TTC39B: variants seen among roughly 807,000 people sequenced by gnomAD.
The protein encoded by TTC39B is tetratricopeptide repeat domain 39B, also known as tetratricopeptide repeat protein 39B.
In TTC39B, 92 loss-of-function variants were observed where a neutral mutation model predicts 96.6. The ratio of observed to expected loss-of-function variants is 0.95; its 90% CI spans 0.80 to 1.13. The LOEUF is 1.13. Among genes scored for constraint, TTC39B ranks in the 50% most tolerant of loss-of-function variants. TTC39B has a pLI of 0.00. For synonymous variants in TTC39B, 367 were observed against 299.4 expected (o/e 1.23, Z -2.33); for missense variants, 955 against 809.3 (o/e 1.18, Z -2.18).
chr9:15,301,078 T>C (rs574469997), intron 1 of TTC39B, among the ~76,000 whole-genome samples: 96 of 151,920 alleles, frequency 6.3e-4, no homozygotes, highest in Admixed American at 2.4e-3. Context: ...CATCTCAACT[T>C]CCCCCAAGGC....
chr9:15,210,230 A>G, intron 5 of TTC39B, 66 bp from the exon 6 acceptor site: 1 of 1,113,538 alleles, frequency 9.0e-7, no homozygotes, highest in Non-Finnish European at 1.3e-6. Context: ...GCTCATTTTC[A>G]TTTGACGTTC....
intron 6 of TTC39B, among the ~76,000 whole-genome samples, chr9:15,208,621 G>A (rs977027527): frequency 2.6e-5 from 4 of 152,110 alleles, no homozygotes; most frequent in South Asian, 2.1e-4. Context: ...CATTCTATCC[G>A]AAGTCAAGAG....
At chr9:15,304,664 C>T (rs1824702102) in intron 1 of TTC39B, among the ~76,000 whole-genome samples, 1 of 151,958 alleles carries the variant, frequency 6.6e-6, no homozygotes, top group Non-Finnish European at 1.5e-5. Flanking sequence ...CCCCCCGACC[C>T]CTCTCCCCCA....
chr9:15,272,667 A>G (rs566612310), intron 1 of TTC39B, among the ~76,000 whole-genome samples: 1 of 152,322 alleles, frequency 6.6e-6, no homozygotes, highest in African/African-American at 2.4e-5. Flanking sequence ...TCAAGAGCCT[A>G]TCTTGACTCT....
chr9:15,241,041 C>T (rs544398615), intron 2 of TTC39B, among the ~76,000 whole-genome samples: 3 of 152,254 alleles, frequency 2.0e-5, no homozygotes, highest in South Asian at 2.1e-4. Context: ...TAAGAGATGG[C>T]GCTCTCACGA....
chr9:15,177,890 G>C, intron 17 of TTC39B, 76 bp from the exon 18 acceptor site: 1 of 793,736 alleles, frequency 1.3e-6, no homozygotes, highest in Non-Finnish European at 1.8e-6. Context: ...TTTTTTTTGA[G>C]ACGGACTCTC....
exon 3 of TTC39B, chr9:15,225,931 C>A: frequency 1.2e-6 from 2 of 1,613,742 alleles, no homozygotes; most frequent in Non-Finnish European, 1.7e-6. Context: ...TGACAGTAGA[C>A]GCTCCGCGCT....
intron 2 of TTC39B, among the ~76,000 whole-genome samples, chr9:15,229,977 T>C (rs1365825504): frequency 6.6e-6 from 1 of 152,250 alleles, no homozygotes; most frequent in Non-Finnish European, 1.5e-5. Flanking sequence ...AGAGAATTGT[T>C]GTCTTTATAA....
rs1270025085 is a variant in TTC39B at position 15,306,595 on chromosome 9, C to T, written c.240+489G>A. 6.6e-6 allele frequency among the ~76,000 whole-genome samples: 1 copy of T among 152,194 alleles called. No homozygotes were observed. On this transcript the variant is annotated intron_variant, in intron 1 of 19. Transcript: ENST00000512701. This position sits in a 1 kb window ranked among gnomAD's most constrained non-coding sequence, Gnocchi z 5.1. Reference sequence around the variant, plus strand: ...CTACTCATTGTTCCTCAGGCTGCCCCCTCTTTTCATCAATCGTAAGCCTTT... The same window carrying T: ...CTACTCATTGTTCCTCAGGCTGCCCTCTCTTTTCATCAATCGTAAGCCTTT...
rs113587454 is a variant in TTC39B at position 15,306,768 on chromosome 9, G to A, written c.240+316C>T. On this transcript the variant is annotated intron_variant, in intron 1 of 19. Coordinates refer to ENST00000512701, the Ensembl canonical transcript of TTC39B. This position sits in a 1 kb window ranked among gnomAD's most constrained non-coding sequence, Gnocchi z 5.1. ...CTGGGCCGGCCCGGAACAGCTCAGA[G>A]CTGCGGGTCCTATGGTCCCGCGCCC... Among the ~76,000 whole-genome samples, 5 of 152,194 alleles carry A rather than the reference G, an allele frequency of 3.3e-5. No homozygotes were observed. The highest frequency in any genetic ancestry group is 6.5e-5 in the Admixed American group (1 of 15,288).
chr9:15,191,627 C>T (rs1818862302), intron 9 of TTC39B, among the ~76,000 whole-genome samples: 1 of 152,068 alleles, frequency 6.6e-6, no homozygotes. Context: ...GATGTGTAGA[C>T]ACCACCCAGA....
At chr9:15,181,263 T>C (rs968340950) in intron 17 of TTC39B, among the ~76,000 whole-genome samples, 5 of 152,194 alleles carry the variant, frequency 3.3e-5, no homozygotes, top group Non-Finnish European at 5.9e-5. Context: ...CCCTTTACCA[T>C]GTTTAGCATC....
intron 16 of TTC39B, 44 bp downstream of exon 16, chr9:15,185,236 G>C (rs1477396341): frequency 6.4e-7 from 1 of 1,571,222 alleles, no homozygotes; most frequent in Admixed American, 1.9e-5. Context: ...GCTGTGAGTA[G>C]GTAATTTATT....
Position 15,285,747 on chromosome 9 carries a change from C to CGGGG in TTC39B, c.241-17800_241-17799insCCCC, listed in dbSNP as rs1266553519. 3.0e-4 allele frequency among the ~76,000 whole-genome samples: 45 copies of CGGGG among 151,570 alleles called. 1 individual carries two copies. In the East Asian group the frequency reaches 7.1e-3, roughly 24 times the overall value. ...GCGGGCGCCTGTAGTCCCAGCTACT[C>CGGGG]AGGAGGCTGAGGCAGGAGAATGGCG... On this transcript the variant is annotated intron_variant, in intron 1 of 19. Coordinates refer to ENST00000512701, the Ensembl canonical transcript of TTC39B.
At chr9:15,242,838 G>C (rs1405166221) in intron 2 of TTC39B, among the ~76,000 whole-genome samples, 1 of 152,188 alleles carries the variant, frequency 6.6e-6, no homozygotes, top group Non-Finnish European at 1.5e-5. Flanking sequence ...TTTTCTGTAA[G>C]TTTGGAATTA....
intron 2 of TTC39B, among the ~76,000 whole-genome samples, chr9:15,232,670 T>TA (rs1441649592): frequency 6.6e-6 from 1 of 152,158 alleles, no homozygotes; most frequent in Non-Finnish European, 1.5e-5. Context: ...TAATATCCTT[T>TA]AAAAAACAAA....
chr9:15,206,655 T>C (rs1057479093), intron 6 of TTC39B, among the ~76,000 whole-genome samples: 3 of 152,206 alleles, frequency 2.0e-5, no homozygotes, highest in African/African-American at 7.2e-5. Context: ...CTAAGCTAAA[T>C]AAACTTAGCT....
intron 3 of TTC39B, among the ~76,000 whole-genome samples, chr9:15,225,426 TG>T (rs1278262237): frequency 6.6e-6 from 1 of 151,970 alleles, no homozygotes; most frequent in Non-Finnish European, 1.5e-5. Flanking sequence ...ATGCAAAAAA[TG>T]TAAGAAAGAA....
At chr9:15,281,416 T>C (rs182863326) in intron 1 of TTC39B, among the ~76,000 whole-genome samples, 1 of 152,170 alleles carries the variant, frequency 6.6e-6, no homozygotes, top group Non-Finnish European at 1.5e-5. Context: ...AAAAGTTGTG[T>C]GTCCAAATAC....
Sources: allele counts gnomAD v4.1 joint callset (sites outside exome capture counted in the v4.1 genomes callset), GRCh38; gene constraint gnomAD v4.1.1; non-coding constraint Gnocchi (gnomAD v3.1); transcripts MANE v1.5; gene names NCBI Gene and HGNC (gene_info 2026-07-23, HGNC 2026-07-21).